MECOM: variants seen among roughly 807,000 people sequenced by gnomAD.
The protein encoded by MECOM is MDS1 and EVI1 complex locus, also known as histone-lysine N-methyltransferase MECOM.
In MECOM, 13 loss-of-function variants were observed where a neutral mutation model predicts 116.3. That is an observed-to-expected ratio of 0.11 (90% CI 0.07 to 0.18). MECOM has a LOEUF of 0.18. MECOM is among the 10% of genes least tolerant of loss of function. MECOM has a pLI of 1.00. For synonymous variants in MECOM, 528 were observed against 535.2 expected (o/e 0.99, Z 0.19); for missense variants, 1,299 against 1,509.0 (o/e 0.86, Z 2.31).
At chr3:169,125,087 C>A (rs1732378909) in intron 5 of MECOM, among the ~76,000 whole-genome samples, 1 of 152,074 alleles carries the variant, frequency 6.6e-6, no homozygotes, top group Non-Finnish European at 1.5e-5. Context: ...ATTTTTCCTG[C>A]CCCATGAATC....
At chr3:169,609,862 G>T (rs1010498264) in intron 1 of MECOM, among the ~76,000 whole-genome samples, 1 of 152,112 alleles carries the variant, frequency 6.6e-6, no homozygotes, top group Non-Finnish European at 1.5e-5. Context: ...CTGAAATGTG[G>T]TATTTCTACT....
At chr3:169,608,994 G>T (rs1200583539) in intron 1 of MECOM, among the ~76,000 whole-genome samples, 1 of 151,990 alleles carries the variant, frequency 6.6e-6, no homozygotes, top group African/African-American at 2.4e-5. Context: ...CATCTCACCC[G>T]CACCAAACAG....
chr3:169,213,091 C>G (rs185836518), intron 2 of MECOM, among the ~76,000 whole-genome samples: 2 of 150,582 alleles, frequency 1.3e-5, no homozygotes, highest in African/African-American at 4.9e-5. Flanking sequence ...TTTTTTAATA[C>G]TTTTCACTAT....
At position 169,277,029 on chromosome 3, in the gene MECOM, CACACAA is replaced by C. The variant is rs1248726462; in HGVS notation, c.375+104152_375+104157del. ...ACACACACACACACACACACACACA[CACACAA>C]GTGCTGTCATAATTTTCTAGGAGTA... On this transcript the variant is annotated intron_variant, in intron 2 of 16. Coordinates refer to ENST00000651503, the MANE Select transcript of MECOM (RefSeq NM_004991.4). 3.7e-4 allele frequency among the ~76,000 whole-genome samples: 56 copies of C among 149,604 alleles called. No homozygotes were observed. The East Asian group carries it at 7.8e-3, about 21-fold the overall frequency.
chr3:169,634,757 T>TACTCTTAAATC (rs1366575310), intron 1 of MECOM, among the ~76,000 whole-genome samples: 10 of 152,148 alleles, frequency 6.6e-5, no homozygotes, highest in African/African-American at 2.2e-4. Context: ...AAACTTAAAT[T>TACTCTTAAATC]ACTCTTAAAT....
At chr3:169,241,970 TGA>T (rs1205428004) in intron 2 of MECOM, among the ~76,000 whole-genome samples, 2 of 152,228 alleles carry the variant, frequency 1.3e-5, no homozygotes, top group African/African-American at 4.8e-5. Flanking sequence ...GTATTAGTGC[TGA>T]GAGTAGATAA....
At chr3:169,153,590 A>C (rs1415237473) in intron 2 of MECOM, among the ~76,000 whole-genome samples, 1 of 152,182 alleles carries the variant, frequency 6.6e-6, no homozygotes, top group Non-Finnish European at 1.5e-5. Context: ...TTAGCACATT[A>C]TGCAATAACT....
At chr3:169,119,119 A>G (rs965804619) in intron 7 of MECOM, among the ~76,000 whole-genome samples, 4 of 152,136 alleles carry the variant, frequency 2.6e-5, no homozygotes, top group African/African-American at 9.7e-5. Flanking sequence ...GCAGTGAGTA[A>G]TTACCTTAGC....
intron 1 of MECOM, among the ~76,000 whole-genome samples, chr3:169,405,188 GTC>G (rs749278074): frequency 5.5e-4 from 82 of 147,992 alleles, no homozygotes; most frequent in Non-Finnish European, 6.0e-4. Flanking sequence ...CTCTTTCTCT[GTC>G]TCTCTCTCTC....
chr3:169,663,522 C>G lies in MECOM; in HGVS notation c.-150G>C. On this transcript the variant is annotated 5_prime_UTR_variant, in exon 1 of 17. Coordinates refer to ENST00000651503, the MANE Select transcript of MECOM (RefSeq NM_004991.4). ...TCTCTCTCTCTCTCTCTCTCTCTCT[C>G]TCTCTCTCCCTCCCTCCTGTTTCTC... The G allele has an allele frequency of 1.5e-6, 1 of 659,214 alleles. No homozygotes were observed. The highest frequency in any genetic ancestry group is 2.6e-5 in the Admixed American group (1 of 39,096). The allele number at this position is 659,214 out of a possible 1,614,324, so 40.8% of individuals were successfully genotyped here. A position where few individuals can be genotyped will look rare whatever the true frequency, so the allele number is the denominator to read the frequency against.
intron 2 of MECOM, among the ~76,000 whole-genome samples, chr3:169,204,661 CA>C (rs1221626763): frequency 2.0e-5 from 3 of 152,114 alleles, no homozygotes; most frequent in Non-Finnish European, 4.4e-5. Flanking sequence ...CTAATTTAAA[CA>C]TGCAACATAT....
At chr3:169,313,624 G>T (rs1296212365) in intron 2 of MECOM, among the ~76,000 whole-genome samples, 1 of 152,212 alleles carries the variant, frequency 6.6e-6, no homozygotes, top group Non-Finnish European at 1.5e-5. Context: ...GGTTGATTTG[G>T]TGATGTGGCA....
chr3:169,092,949 C>G lies in MECOM; in HGVS notation c.3164+9G>C. ...GTCACAGAGTTTAAAAAGTAAAAGA[C>G]AGCTTTACCTCTCCTCCACATTCCT... On this transcript the variant is annotated intron_variant, in intron 14 of 16. Transcript: ENST00000651503. The G allele has an allele frequency of 2.5e-6, 4 of 1,613,256 alleles. No homozygotes were observed. Among genetic ancestry groups the G allele is most frequent in the Non-Finnish European group, 3.4e-6 (4 of 1,179,614 alleles).
chr3:169,609,323 CTATTTCATGAGGACCA>C, intron 1 of MECOM, among the ~76,000 whole-genome samples: 1 of 152,280 alleles, frequency 6.6e-6, no homozygotes, highest in African/African-American at 2.4e-5. Flanking sequence ...TGAATCAAAA[CTATTTCATGAGGACCA>C]TATGTTATGA....
At chr3:169,539,301 A>C (rs780362893) in intron 1 of MECOM, among the ~76,000 whole-genome samples, 2 of 152,172 alleles carry the variant, frequency 1.3e-5, no homozygotes, top group Admixed American at 6.5e-5. Flanking sequence ...AGATTTTATT[A>C]ATACTAAAGA....
intron 10 of MECOM, among the ~76,000 whole-genome samples, chr3:169,103,146 G>A (rs984452219): frequency 2.0e-5 from 3 of 151,100 alleles, no homozygotes; most frequent in Admixed American, 2.0e-4. Flanking sequence ...AAAACTTTTT[G>A]TAGAGATGGA....
At chr3:169,277,376 A>G (rs144010229) in intron 2 of MECOM, among the ~76,000 whole-genome samples, 2 of 152,340 alleles carry the variant, frequency 1.3e-5, no homozygotes, top group African/African-American at 4.8e-5. Context: ...ACAAAGTCGA[A>G]TGAGCATAAA....
chr3:169,291,809 CA>C (rs887594167), intron 2 of MECOM, among the ~76,000 whole-genome samples: 58 of 152,308 alleles, frequency 3.8e-4, no homozygotes, highest in African/African-American at 1.4e-3. Flanking sequence ...GCATGTTTCA[CA>C]TCAGTATTTG....
chr3:169,165,328 T>C (rs1254508400), intron 2 of MECOM, among the ~76,000 whole-genome samples: 1 of 152,198 alleles, frequency 6.6e-6, no homozygotes, highest in East Asian at 1.9e-4. Flanking sequence ...TTGATTTCAG[T>C]GACAAAAGGA....
Sources: allele counts gnomAD v4.1 joint callset (sites outside exome capture counted in the v4.1 genomes callset), GRCh38; gene constraint gnomAD v4.1.1; transcripts MANE v1.5; gene names NCBI Gene and HGNC (gene_info 2026-07-23, HGNC 2026-07-21).